The following PCMT1 variants were observed in gnomAD, a reference collection of about 807,000 sequenced individuals.
PCMT1 encodes the protein protein-L-isoaspartate(D-aspartate) O-methyltransferase.
Under a neutral mutation model 29.2 loss-of-function variants are expected in PCMT1, and 9 were observed. The ratio of observed to expected loss-of-function variants is 0.31; its 90% confidence interval spans 0.19 to 0.54. The LOEUF is 0.54. PCMT1 is among the 20% of genes least tolerant of loss of function. The pLI, the probability that PCMT1 is intolerant of heterozygous loss-of-function variation, is 0.95. For synonymous variants in PCMT1, 98 were observed against 97.5 expected (o/e 1.00, Z -0.03); for missense variants, 184 against 282.2 (o/e 0.65, Z 2.49).
chr6:149,776,976 C>T (rs1215164172), intron 3 of PCMT1, among the ~76,000 whole-genome samples: 1 of 152,032 alleles, frequency 6.6e-6, no homozygotes, highest in Admixed American at 6.6e-5. Flanking sequence ...TACATGAGTG[C>T]AGAGTGACTT....
chr6:149,751,769 C>T (rs1333359101), intron 1 of PCMT1, among the ~76,000 whole-genome samples: 1 of 151,906 alleles, frequency 6.6e-6, no homozygotes, highest in Admixed American at 6.6e-5. Flanking sequence ...CGTGAGCCAC[C>T]GCGCCAGGCC....
chr6:149,751,682 A>G (rs1000191618), intron 1 of PCMT1, among the ~76,000 whole-genome samples: 2 of 151,850 alleles, frequency 1.3e-5, no homozygotes, highest in South Asian at 2.1e-4. Context: ...GGGTTTCACT[A>G]TGTTGGCCAG....
rs1370115827 is a variant in PCMT1 at position 149,749,845 on chromosome 6, C to G, written c.-57C>G. The stretch of plus-strand genomic sequence containing the variant: ...GGTGGTCTCACTCTTGGGAAAACTG[C>G]TGGGCACCGTCGTCGCGCTGAAGGT... On this transcript the variant is annotated 5_prime_UTR_variant, in exon 1 of 8. Transcript: ENST00000464889. 6.3e-6 allele frequency: 10 copies of G among 1,578,610 alleles called. No individual in the cohort carries two copies. The highest frequency in any genetic ancestry group is 7.7e-6 in the Non-Finnish European group (9 of 1,161,952).
At chr6:149,803,401 C>T (rs570381635) in intron 7 of PCMT1, among the ~76,000 whole-genome samples, 1 of 152,280 alleles carries the variant, frequency 6.6e-6, no homozygotes, top group Admixed American at 6.6e-5. Context: ...CAAACCCACC[C>T]AGAGGGTCAG....
At chr6:149,776,518 C>G (rs1486424433) in intron 3 of PCMT1, among the ~76,000 whole-genome samples, 1 of 152,034 alleles carries the variant, frequency 6.6e-6, no homozygotes, top group Non-Finnish European at 1.5e-5. Context: ...CTCAAGTGAT[C>G]CACCCGCCTT....
At chr6:149,786,355 C>T (rs1346556433) in intron 3 of PCMT1, among the ~76,000 whole-genome samples, 3 of 103,532 alleles carry the variant, frequency 2.9e-5, no homozygotes, top group African/African-American at 4.5e-5. Flanking sequence ...GGCGGCTGGC[C>T]GGGCGGGGGG....
intron 6 of PCMT1, 110 bp downstream of exon 6, chr6:149,796,610 C>A: frequency 1.4e-6 from 1 of 700,618 alleles, no homozygotes; most frequent in Non-Finnish European, 2.4e-6. Flanking sequence ...ACTTTTATAT[C>A]ATACATTTTG....
intron 4 of PCMT1, 147 bp downstream of exon 4, chr6:149,790,205 T>G (rs536352542): frequency 1.7e-6 from 1 of 598,464 alleles, no homozygotes; most frequent in African/African-American, 1.9e-5. Flanking sequence ...AGGATTTTGT[T>G]GTTGTTGCAA....
chr6:149,793,748 A>T (rs1788481751), intron 5 of PCMT1, 79 bp downstream of exon 5: 9 of 1,200,274 alleles, frequency 7.5e-6, no homozygotes, highest in Non-Finnish European at 1.1e-6. Flanking sequence ...AATAATACTC[A>T]GAGGTAATTA....
At position 149,762,885 on chromosome 6, in the gene PCMT1, T is replaced by A. The variant is rs865880992; in HGVS notation, c.56-8277T>A. Among the ~76,000 whole-genome samples the A allele has an allele frequency of 7.1e-4, 40 of 56,466 alleles. 9 individuals carry two copies. The highest frequency in any genetic ancestry group is 1.9e-3 in the Admixed American group (6 of 3,122). The allele number at this position is 56,466 out of a possible 152,430, so 37.0% of individuals were successfully genotyped here. A position where few individuals can be genotyped will look rare whatever the true frequency, so the allele number is the denominator to read the frequency against. On this transcript the variant is annotated intron_variant, in intron 1 of 7. Coordinates refer to ENST00000464889, the MANE Select transcript of PCMT1 (RefSeq NM_001360452.2). ...GATATATATATCTATGATATATATG[T>A]TATATATATCTATGATATATATCTA...
chr6:149,802,633 T>G lies in PCMT1; in HGVS notation c.*37+217T>G, dbSNP rs3828704. On this transcript the variant is annotated intron_variant, in intron 7 of 7. Transcript: ENST00000464889. ...TTTTTTTGTTTGTTTGTTTGTTTTT[T>G]TTTTAGAGAGACTTTCAGCTTCAAT... 7.6e-3 allele frequency: 3,248 copies of G among 427,364 alleles called. 35 individuals are homozygous for G. The highest frequency in any genetic ancestry group is 0.029 in the East Asian group (498 of 17,210). 26.5% of individuals were successfully genotyped at this position (427,364 alleles called of 1,614,324 possible).
chr6:149,757,501 A>T (rs1420993578), intron 1 of PCMT1, among the ~76,000 whole-genome samples: 2 of 152,222 alleles, frequency 1.3e-5, no homozygotes, highest in Non-Finnish European at 2.9e-5. Flanking sequence ...CAAGAGGATC[A>T]GCATCTTACA....
chr6:149,751,328 A>C (rs9479808), intron 1 of PCMT1, among the ~76,000 whole-genome samples: 1 of 151,624 alleles, frequency 6.6e-6, no homozygotes, highest in Admixed American at 6.6e-5. Flanking sequence ...CAAAAAAAAA[A>C]TTTTTTTTTG....
chr6:149,788,709 C>G (rs9766562), intron 3 of PCMT1, among the ~76,000 whole-genome samples: 81,158 of 152,118 alleles, frequency 0.53, 24,836 homozygotes, highest in East Asian at 0.83. Flanking sequence ...TTTTTCTGAA[C>G]TCCATTGTAA....
chr6:149,786,879 C>T (rs957139585), intron 3 of PCMT1, among the ~76,000 whole-genome samples: 19 of 147,368 alleles, frequency 1.3e-4, no homozygotes, highest in Admixed American at 6.8e-5. Context: ...GACGGGGTGG[C>T]GGCCGGGCAG....
At chr6:149,765,898 G>A in intron 1 of PCMT1, 1 of 163,012 alleles carries the variant, frequency 6.1e-6, no homozygotes, top group South Asian at 1.5e-4. Flanking sequence ...CCCGGGAGGT[G>A]GAGGTTGCCG....
At chr6:149,771,299 T>C (rs761313246) in intron 2 of PCMT1, 33 bp downstream of exon 2, 63 of 1,275,624 alleles carry the variant, frequency 4.9e-5, no homozygotes, top group Non-Finnish European at 6.9e-5. Flanking sequence ...TATCATAGTT[T>C]TCATCATTTA....
chr6:149,791,710 A>G (rs568507168), intron 4 of PCMT1, among the ~76,000 whole-genome samples: 1 of 152,174 alleles, frequency 6.6e-6, no homozygotes, highest in African/African-American at 2.4e-5. Context: ...TGTTTTGCTC[A>G]TTTTGTAGAG....
At chr6:149,768,617 GT>G (rs957556087) in intron 1 of PCMT1, among the ~76,000 whole-genome samples, 5 of 147,662 alleles carry the variant, frequency 3.4e-5, no homozygotes, top group Non-Finnish European at 6.0e-5. Context: ...TGCACGGCTA[GT>G]TTTTTTTTTC....
Sources: gnomAD v4.1 joint callset for allele counts (sites outside exome capture counted in the v4.1 genomes callset) on GRCh38, gnomAD v4.1.1 for gene constraint, MANE v1.5 for transcripts, NCBI Gene and HGNC (gene_info 2026-07-23, HGNC 2026-07-21) for gene names.